Variants in ERBB4 observed in about 807,000 individuals in gnomAD.
The protein encoded by ERBB4 is erb-b2 receptor tyrosine kinase 4.
ERBB4 carries 42 observed loss-of-function variants against 158.0 expected under a neutral mutation model. That is an observed-to-expected ratio of 0.27 (90% CI 0.21 to 0.34). ERBB4 has a LOEUF of 0.34. Among genes scored for constraint, ERBB4 ranks in the 10% least tolerant of loss-of-function variants. The pLI is 1.00. For missense variants in ERBB4, 1,333 were observed against 1,624.1 expected (o/e 0.82, Z 3.08); for synonymous variants, 583 against 558.7 (o/e 1.04, Z -0.61).
chr2:212,133,388 A>G (rs1168274718), intron 1 of ERBB4, among the ~76,000 whole-genome samples: 1 of 132,498 alleles, frequency 7.5e-6, no homozygotes, highest in African/African-American at 3.1e-5. Context: ...CTTTCTTTTC[A>G]TTTTGGTGTT....
At chr2:211,858,176 C>A (rs984775) in intron 3 of ERBB4, among the ~76,000 whole-genome samples, 32,109 of 151,740 alleles carry the variant, frequency 0.21, 3,497 homozygotes, top group South Asian at 0.33. Context: ...GAGATGGAGA[C>A]AAGGAGACAG....
chr2:212,518,459 G>A (rs534897210), intron 1 of ERBB4, among the ~76,000 whole-genome samples: 8 of 151,944 alleles, frequency 5.3e-5, no homozygotes, highest in East Asian at 1.9e-4. Context: ...ATTTAATAAC[G>A]TCAGGGTTAT....
intron 1 of ERBB4, among the ~76,000 whole-genome samples, chr2:212,510,397 AG>A (rs1691452629): frequency 6.6e-6 from 1 of 151,784 alleles, no homozygotes; most frequent in Non-Finnish European, 1.5e-5. Flanking sequence ...GTCTACAGGT[AG>A]GTAAAGCATT....
intron 1 of ERBB4, among the ~76,000 whole-genome samples, chr2:212,197,761 T>C (rs2082471387): frequency 6.6e-6 from 1 of 152,166 alleles, no homozygotes; most frequent in East Asian, 1.9e-4. Flanking sequence ...TATAGCTAAG[T>C]AGCATTTTTG....
intron 3 of ERBB4, among the ~76,000 whole-genome samples, chr2:211,837,629 G>A (rs923901473): frequency 6.6e-6 from 1 of 152,026 alleles, no homozygotes; most frequent in African/African-American, 2.4e-5. Flanking sequence ...AACTGGGTAG[G>A]CTTGGGCAAG....
At chr2:211,886,663 A>C (rs1293975123) in intron 3 of ERBB4, among the ~76,000 whole-genome samples, 1 of 152,182 alleles carries the variant, frequency 6.6e-6, no homozygotes, top group Non-Finnish European at 1.5e-5. Flanking sequence ...GCTATGCTGT[A>C]ATTATATTTT....
At chr2:211,753,571 G>C (rs1438003953) in intron 4 of ERBB4, among the ~76,000 whole-genome samples, 1 of 151,820 alleles carries the variant, frequency 6.6e-6, no homozygotes, top group East Asian at 1.9e-4. Context: ...AAGAAGAGTT[G>C]GATGAAAGCA....
intron 1 of ERBB4, among the ~76,000 whole-genome samples, chr2:212,315,827 C>A (rs1403238150): frequency 6.6e-6 from 1 of 151,416 alleles, no homozygotes; most frequent in Non-Finnish European, 1.5e-5. Flanking sequence ...ATACAAAAAA[C>A]TTTCTGACAC....
In ERBB4 at chr2:211,728,044, C is replaced by A. The variant is rs988663975; in HGVS notation, c.623-2850G>T. On this transcript the variant is annotated intron_variant, in intron 5 of 27. Coordinates refer to ENST00000342788, the MANE Select transcript of ERBB4 (RefSeq NM_005235.3). ...TGGTACAAAATTCTGCATAATAAAT[C>A]CCCTTGGACTGTCCCTTCACTTTCT... is the stretch of plus-strand genomic sequence containing the variant. Among the ~76,000 whole-genome samples the A allele has an allele frequency of 3.3e-5, 5 of 151,884 alleles. No homozygotes were observed. The East Asian group carries it at 9.7e-4, about 29-fold the overall frequency.
chr2:211,422,551 A>G (rs1327888273), intron 23 of ERBB4, among the ~76,000 whole-genome samples: 1 of 151,478 alleles, frequency 6.6e-6, no homozygotes, highest in Admixed American at 6.6e-5. Flanking sequence ...AATAGACATT[A>G]GCTTATCTTA....
chr2:212,489,563 A>G (rs922479623), intron 1 of ERBB4, among the ~76,000 whole-genome samples: 1 of 151,962 alleles, frequency 6.6e-6, no homozygotes, highest in Non-Finnish European at 1.5e-5. Flanking sequence ...CATCAGATTC[A>G]CCAATGTAAG....
chr2:212,299,869 G>T (rs1193988131), intron 1 of ERBB4, among the ~76,000 whole-genome samples: 1 of 151,576 alleles, frequency 6.6e-6, no homozygotes, highest in Admixed American at 6.6e-5. Flanking sequence ...TAGCACGGCA[G>T]AAATTTTGTT....
chr2:211,631,258 A>T (rs1162554819), intron 16 of ERBB4, among the ~76,000 whole-genome samples: 1 of 152,164 alleles, frequency 6.6e-6, no homozygotes, highest in Non-Finnish European at 1.5e-5. Flanking sequence ...GAAGACATAG[A>T]AACCCCACAC....
At chr2:212,187,052 T>C (rs185495663) in intron 1 of ERBB4, among the ~76,000 whole-genome samples, 420 of 152,214 alleles carry the variant, frequency 2.8e-3, no homozygotes, top group African/African-American at 9.3e-3. Context: ...AGATTTTACA[T>C]ATTGCTCAGA....
rs138561912 is a variant in ERBB4, at chr2:212,226,410, T to TGGG, written c.83-101510_83-101508dup. On this transcript the variant is annotated intron_variant, in intron 1 of 27. Transcript: ENST00000342788. Reference sequence around the variant, plus strand: ...CATGGGAATTGACATAGTAAAGACATGGGGGGGGGTTTGACCCATTAAATT... The same window carrying TGGG: ...CATGGGAATTGACATAGTAAAGACATGGGGGGGGGGGGTTTGACCCATTAAATT... Among the ~76,000 whole-genome samples the TGGG allele has an allele frequency of 6.0e-3, 900 of 149,582 alleles. 3 individuals are homozygous for TGGG. The highest frequency in any genetic ancestry group is 0.01 in the Admixed American group (152 of 15,006).
intron 1 of ERBB4, among the ~76,000 whole-genome samples, chr2:212,475,833 A>G (rs1689359561): frequency 6.6e-6 from 1 of 152,056 alleles, no homozygotes; most frequent in Non-Finnish European, 1.5e-5. Flanking sequence ...TCTATATCCT[A>G]AACAGTTTTG....
chr2:211,800,023 C>A (rs574465635), intron 3 of ERBB4, among the ~76,000 whole-genome samples: 1 of 152,240 alleles, frequency 6.6e-6, no homozygotes, highest in East Asian at 1.9e-4. Context: ...CTTCTGGACA[C>A]CCATAAAATT....
chr2:211,990,320 C>A (rs912629235), intron 2 of ERBB4, among the ~76,000 whole-genome samples: 6 of 151,810 alleles, frequency 4.0e-5, no homozygotes, highest in Non-Finnish European at 7.4e-5. Context: ...GGAGTTACTG[C>A]CACTTCAATG....
At chr2:212,134,723 G>T (rs1224779062) in intron 1 of ERBB4, among the ~76,000 whole-genome samples, 1 of 116,882 alleles carries the variant, frequency 8.6e-6, no homozygotes, top group Non-Finnish European at 1.6e-5. Context: ...TGGCTCTGTC[G>T]CCCAGACTGG....
Sources: allele counts gnomAD v4.1 joint callset (sites outside exome capture counted in the v4.1 genomes callset), GRCh38; gene constraint gnomAD v4.1.1; transcripts MANE v1.5; gene names NCBI Gene and HGNC (gene_info 2026-07-23, HGNC 2026-07-21).